The following PCSK1 variants were observed in gnomAD, a reference collection of about 807,000 sequenced individuals.
PCSK1 encodes the protein proprotein convertase subtilisin/kexin type 1, also known as neuroendocrine convertase 1.
A neutral mutation model predicts 90.6 loss-of-function variants in PCSK1; 56 were observed. That is an observed-to-expected ratio of 0.62 (90% CI 0.50 to 0.77). The LOEUF is 0.77. PCSK1 is among the 30% of genes least tolerant of loss of function. The pLI, the probability that PCSK1 is intolerant of heterozygous loss-of-function variation, is 0.00. For missense variants in PCSK1, 801 were observed against 932.6 expected (o/e 0.86, Z 1.84); for synonymous variants, 348 against 342.4 (o/e 1.02, Z -0.18).
intron 9 of PCSK1, among the ~76,000 whole-genome samples, chr5:96,402,676 T>C (rs1760423234): frequency 6.6e-6 from 1 of 152,172 alleles, no homozygotes; most frequent in African/African-American, 2.4e-5. Flanking sequence ...GGTTTCAGAC[T>C]CTTGCTTATG....
chr5:96,429,406 C>T (rs1761419964), intron 1 of PCSK1, 89 bp from the exon 2 acceptor site: 1 of 730,078 alleles, frequency 1.4e-6, no homozygotes, highest in Non-Finnish European at 2.4e-6. Context: ...TAGAGATAGG[C>T]AACTTTTATT....
At chr5:96,414,092 T>C (rs1224684150) in intron 6 of PCSK1, among the ~76,000 whole-genome samples, 1 of 145,528 alleles carries the variant, frequency 6.9e-6, no homozygotes, top group African/African-American at 2.6e-5. Flanking sequence ...TGAGCCGAGA[T>C]CGCGCCACTG....
At chr5:96,408,081 C>T in intron 9 of PCSK1, 142 bp downstream of exon 9, 1 of 697,792 alleles carries the variant, frequency 1.4e-6, no homozygotes, top group South Asian at 1.5e-5. Context: ...GGTTAGTGAC[C>T]TCGAAGTGGC....
Position 96,399,993 on chromosome 5 carries a change from T to A in PCSK1, c.1390A>T (p.Lys464Ter). The change falls in exon 10 of 14, where the codon AAG becomes TAG. Residue 464 changes from lysine to a stop codon, truncating the protein, a stop_gained. Transcript: ENST00000311106. LOFTEE classifies it high-confidence loss of function. ...DPRTWRSVPE[K>*]KECVVKDNDF... ...TTGTCCTTTACAACACACTCTTTCT[T>A]CTCAGGCACGCTCCTCCAGGTCCTG... 9 of 1,614,186 alleles carry A rather than the reference T, an allele frequency of 5.6e-6. No individual in the cohort carries two copies. Among genetic ancestry groups the A allele is most frequent in the Non-Finnish European group, 7.6e-6 (9 of 1,180,004 alleles).
At chr5:96,398,668 G>T (rs1257375930) in intron 11 of PCSK1, among the ~76,000 whole-genome samples, 1 of 152,130 alleles carries the variant, frequency 6.6e-6, no homozygotes, top group East Asian at 1.9e-4. Flanking sequence ...ATTTGAATGG[G>T]CCTCATTCTC....
In PCSK1 at chr5:96,408,213, TG is replaced by T; in HGVS notation, c.1196+9del. 1 of 1,601,232 alleles carries T rather than the reference TG, an allele frequency of 6.2e-7. No homozygotes were observed. Among genetic ancestry groups the T allele is most frequent in the African/African-American group, 1.3e-5 (1 of 74,782 alleles). The stretch of plus-strand genomic sequence containing the variant: ...TTTGTAAAGGTGATTAGAAGCTTTC[TG>T]GGCCTTACTTTGCTTCCAGGGCCAG... On this transcript the variant is annotated intron_variant, in intron 9 of 13. Transcript: ENST00000311106.
At chr5:96,419,445 C>CTA (rs1761050066) in intron 5 of PCSK1, among the ~76,000 whole-genome samples, 1 of 149,486 alleles carries the variant, frequency 6.7e-6, no homozygotes, top group East Asian at 1.9e-4. Flanking sequence ...CCCTCTCTCT[C>CTA]TCTATATATA....
In PCSK1 at chr5:96,392,763, C is replaced by G; in HGVS notation, c.*238G>C. 1.8e-6 allele frequency: 1 copy of G among 561,756 alleles called. No homozygotes were observed. The highest frequency in any genetic ancestry group is 3.2e-6 in the Non-Finnish European group (1 of 315,616). The allele number at this position is 561,756 out of a possible 1,614,324, so 34.8% of individuals were successfully genotyped here. ...CTGTGACTCCAGAAAGAACAAAACACTTCACTTGTGCAGACAGGAAAGATG... is the reference window on the plus strand; with the variant it reads ...CTGTGACTCCAGAAAGAACAAAACAGTTCACTTGTGCAGACAGGAAAGATG... On this transcript the variant is annotated 3_prime_UTR_variant, in exon 14 of 14. Transcript: ENST00000311106.
chr5:96,407,748 T>A (rs905289385), intron 9 of PCSK1, among the ~76,000 whole-genome samples: 2 of 152,216 alleles, frequency 1.3e-5, no homozygotes, highest in Non-Finnish European at 2.9e-5. Context: ...TGTCCCCTGA[T>A]GTGGTTATAT....
rs1357657586 is a variant in PCSK1, at chr5:96,412,524, T to C, written c.710-34A>G. 3.8e-6 allele frequency: 6 copies of C among 1,585,538 alleles called. No homozygotes were observed. The South Asian group carries it at 6.6e-5, about 18-fold the overall frequency. The stretch of plus-strand genomic sequence containing the variant: ...CAAAATAAACAAAGACACACAAAGG[T>C]TGATGTCAGTATGTACATGGACAAA... On this transcript the variant is annotated intron_variant, in intron 6 of 13. Coordinates refer to ENST00000311106, the MANE Select transcript of PCSK1 (RefSeq NM_000439.5).
chr5:96,429,140 T>C (rs2112450090), intron 2 of PCSK1, 73 bp downstream of exon 2: 1 of 812,464 alleles, frequency 1.2e-6, no homozygotes, highest in Non-Finnish European at 2.1e-6. Flanking sequence ...AAAATGCTTC[T>C]GTTTTTATTA....
chr5:96,415,802 C>T (rs1333837222), intron 6 of PCSK1, among the ~76,000 whole-genome samples: 2 of 91,126 alleles, frequency 2.2e-5, no homozygotes, highest in Middle Eastern at 4.3e-3. Context: ...TCAACATTTC[C>T]ACATTTTTTT....
At chr5:96,430,065 G>A (rs991811683) in intron 1 of PCSK1, among the ~76,000 whole-genome samples, 1 of 152,172 alleles carries the variant, frequency 6.6e-6, no homozygotes, top group Non-Finnish European at 1.5e-5. Flanking sequence ...TGTAGCCATT[G>A]AATTCATAGT....
intron 11 of PCSK1, among the ~76,000 whole-genome samples, chr5:96,398,345 G>A (rs894622706): frequency 7.9e-5 from 12 of 152,042 alleles, no homozygotes; most frequent in African/African-American, 2.4e-4. Flanking sequence ...TATGGTTCAC[G>A]AGCTCTTTCC....
rs553276758 is a variant in PCSK1, at chr5:96,392,007, C to T, written c.*994G>A. On this transcript the variant is annotated 3_prime_UTR_variant, in exon 14 of 14. Coordinates refer to ENST00000311106, the MANE Select transcript of PCSK1 (RefSeq NM_000439.5). ...CATTCAGTTTCAAATACTTAGAACA[C>T]GCTGTTCTAATGAACACAGTTGGAA... The T allele has an allele frequency of 6.6e-5, 10 of 152,100 alleles. No homozygotes were observed. The highest frequency in any genetic ancestry group is 3.8e-4 in the East Asian group (2 of 5,196). 9.4% of individuals were successfully genotyped at this position (152,100 alleles called of 1,614,324 possible). A position where few individuals can be genotyped will look rare whatever the true frequency, so the allele number is the denominator to read the frequency against.
chr5:96,418,154 A>G (rs1336715556), intron 5 of PCSK1, among the ~76,000 whole-genome samples: 4 of 152,228 alleles, frequency 2.6e-5, no homozygotes, highest in Admixed American at 6.5e-5. Flanking sequence ...ACAAATATGC[A>G]TTGACATGTT....
At chr5:96,408,371 G>A (rs747459026) in intron 8 of PCSK1, 48 bp from the exon 9 acceptor site, 22 of 1,342,740 alleles carry the variant, frequency 1.6e-5, no homozygotes, top group Non-Finnish European at 2.3e-5. Flanking sequence ...CACGTGAGGA[G>A]TGTGGGCCTG....
In PCSK1 at chr5:96,390,372, TGAGA is replaced by T. The variant is rs1759900339; in HGVS notation, c.*2625_*2628del. ...ATGAGCTTTTTTTCTTTTGACTTAG[TGAGA>T]AACAATTTATTTTTCTGATTTATAA... On this transcript the variant is annotated 3_prime_UTR_variant, in exon 14 of 14. Coordinates refer to ENST00000311106, the MANE Select transcript of PCSK1 (RefSeq NM_000439.5). 6.6e-6 allele frequency: 1 copy of T among 152,202 alleles called. No individual in the cohort carries two copies. 9.4% of individuals were successfully genotyped at this position (152,202 alleles called of 1,614,324 possible).
intron 3 of PCSK1, 67 bp downstream of exon 3, chr5:96,425,753 C>A: frequency 1.2e-6 from 1 of 855,262 alleles, no homozygotes; most frequent in Non-Finnish European, 2.0e-6. Flanking sequence ...ATCCATGTTG[C>A]AAATGTAACA....
Sources: gnomAD v4.1 joint callset for allele counts (sites outside exome capture counted in the v4.1 genomes callset) on GRCh38, gnomAD v4.1.1 for gene constraint, MANE v1.5 for transcripts, NCBI Gene and HGNC (gene_info 2026-07-23, HGNC 2026-07-21) for gene names.